Variants in TWSG1 observed in about 807,000 individuals in gnomAD.
The protein encoded by TWSG1 is twisted gastrulation protein homolog 1.
TWSG1 carries 15 observed loss-of-function variants against 23.0 expected under a neutral mutation model. The observed-to-expected ratio is 0.65, with a 90% CI of 0.44 to 1.00. The LOEUF (loss-of-function observed/expected upper bound fraction) is 1.00, where lower values mean the gene tolerates loss of function less well. Among genes scored for constraint, TWSG1 ranks in the 50% least tolerant of loss-of-function variants. TWSG1 has a pLI of 0.00. For synonymous variants in TWSG1, 86 were observed against 92.8 expected (o/e 0.93, Z 0.42); for missense variants, 242 against 278.7 (o/e 0.87, Z 0.94).
In TWSG1 at chr18:9,399,831, A is replaced by ATG; in HGVS notation, c.*304_*305insTG. ...TCTGAGGTTTTTAACATGAAGTCTGACGTGGTTTTCCTCTAGCATTCCAAA... is the reference window on the plus strand; with the variant it reads ...TCTGAGGTTTTTAACATGAAGTCTGATGCGTGGTTTTCCTCTAGCATTCCAAA... On this transcript the variant is annotated 3_prime_UTR_variant, in exon 5 of 5. Transcript: ENST00000262120. 1 of 219,126 alleles carries ATG rather than the reference A, an allele frequency of 4.6e-6. No homozygotes were observed. Among genetic ancestry groups the ATG allele is most frequent in the East Asian group, 1.0e-4 (1 of 9,740 alleles). The allele number at this position is 219,126 out of a possible 1,614,324, so 13.6% of individuals were successfully genotyped here. A position where few individuals can be genotyped will look rare whatever the true frequency, so the allele number is the denominator to read the frequency against.
intron 3 of TWSG1, among the ~76,000 whole-genome samples, chr18:9,396,050 C>T (rs993248434): frequency 2.7e-5 from 4 of 149,690 alleles, no homozygotes; most frequent in African/African-American, 9.9e-5. Flanking sequence ...CTCCAAGGAG[C>T]TCTGGTTCCT....
rs1040180382 is a variant in TWSG1 at position 9,401,367 on chromosome 18, C to A, written c.*1840C>A. ...AACTCTGCTGTTTTTCAGTCATTTC[C>A]TACTGTGAGTGGAGTGATGTTTGTG... is the stretch of plus-strand genomic sequence containing the variant. On this transcript the variant is annotated 3_prime_UTR_variant, in exon 5 of 5. Transcript: ENST00000262120. 1.3e-5 allele frequency: 2 copies of A among 151,968 alleles called. No homozygotes were observed. The highest frequency in any genetic ancestry group is 2.9e-5 in the Non-Finnish European group (2 of 68,016). The allele number at this position is 151,968 out of a possible 1,614,324, so 9.4% of individuals were successfully genotyped here.
chr18:9,365,821 G>A (rs1020236316), intron 3 of TWSG1, among the ~76,000 whole-genome samples: 1 of 151,932 alleles, frequency 6.6e-6, no homozygotes, highest in African/African-American at 2.4e-5. Context: ...GGCGACACAG[G>A]GAGACTCTGT....
intron 2 of TWSG1, among the ~76,000 whole-genome samples, chr18:9,352,700 A>G (rs1238895791): frequency 3.9e-5 from 6 of 152,228 alleles, no homozygotes; most frequent in Non-Finnish European, 7.3e-5. Context: ...CAAATCTCTC[A>G]GATCTTTGCA....
intron 3 of TWSG1, among the ~76,000 whole-genome samples, chr18:9,376,827 G>A (rs2040632376): frequency 1.7e-5 from 2 of 120,856 alleles, no homozygotes; most frequent in African/African-American, 3.2e-5. Flanking sequence ...GCAAAACCCT[G>A]TCTCCAAAAA....
chr18:9,394,132 C>T (rs1314706215), intron 3 of TWSG1, among the ~76,000 whole-genome samples: 1 of 152,098 alleles, frequency 6.6e-6, no homozygotes, highest in Non-Finnish European at 1.5e-5. Flanking sequence ...TTCACAATTG[C>T]CAAAATGTGG....
intron 3 of TWSG1, among the ~76,000 whole-genome samples, chr18:9,367,266 C>T (rs1051538121): frequency 1.3e-4 from 20 of 152,250 alleles, no homozygotes; most frequent in African/African-American, 4.8e-4. Context: ...TTGTTATTAG[C>T]TATAGTCACC....
intron 2 of TWSG1, among the ~76,000 whole-genome samples, chr18:9,359,668 C>G (rs919802652): frequency 6.6e-6 from 1 of 152,050 alleles, no homozygotes; most frequent in African/African-American, 2.4e-5. Context: ...AGGTTTTGTT[C>G]TTGTACTGAA....
chr18:9,345,982 T>G (rs538450532), intron 2 of TWSG1, among the ~76,000 whole-genome samples: 2 of 152,220 alleles, frequency 1.3e-5, no homozygotes, highest in Non-Finnish European at 2.9e-5. Flanking sequence ...AATATTGATA[T>G]GCTATTATTA....
chr18:9,374,942 C>A, intron 3 of TWSG1, among the ~76,000 whole-genome samples: 1 of 152,044 alleles, frequency 6.6e-6, no homozygotes, highest in Non-Finnish European at 1.5e-5. Context: ...CCAAGGCGGC[C>A]AGATCACGAG....
chr18:9,348,272 G>A (rs1456118684), intron 2 of TWSG1, among the ~76,000 whole-genome samples: 2 of 152,106 alleles, frequency 1.3e-5, no homozygotes, highest in Non-Finnish European at 2.9e-5. Context: ...TGTCTTTTTG[G>A]TCTATTGTGG....
At chr18:9,348,072 A>T (rs554658634) in intron 2 of TWSG1, among the ~76,000 whole-genome samples, 1 of 152,330 alleles carries the variant, frequency 6.6e-6, no homozygotes, top group African/African-American at 2.4e-5. Context: ...ATGTATTTAG[A>T]TAGGACTTAC....
At chr18:9,379,767 A>C (rs1417882565) in intron 3 of TWSG1, among the ~76,000 whole-genome samples, 1 of 152,258 alleles carries the variant, frequency 6.6e-6, no homozygotes, top group Non-Finnish European at 1.5e-5. Flanking sequence ...ATCCTTTTGT[A>C]GAATAAAGAG....
intron 2 of TWSG1, among the ~76,000 whole-genome samples, chr18:9,352,257 G>A (rs2040505531): frequency 6.6e-6 from 1 of 152,004 alleles, no homozygotes; most frequent in Admixed American, 6.6e-5. Context: ...TGTGTGTGTT[G>A]GGTAGTTCTT....
At chr18:9,365,114 A>C (rs557959705) in intron 3 of TWSG1, among the ~76,000 whole-genome samples, 7 of 152,254 alleles carry the variant, frequency 4.6e-5, no homozygotes, top group Middle Eastern at 3.4e-3. Flanking sequence ...TGAGCCCAGG[A>C]GTTCAAGACC....
At position 9,373,648 on chromosome 18, in the gene TWSG1, A is replaced by G. The variant is rs1203511193; in HGVS notation, c.223+13577A>G. 2.6e-5 allele frequency among the ~76,000 whole-genome samples: 4 copies of G among 152,230 alleles called. No individual in the cohort carries two copies. In the East Asian group the frequency reaches 7.7e-4, roughly 29 times the overall value. ...ACCCCCCTCAACCCAGGAGGCAGAG[A>G]ATCAATAGGGACATGTTTGAACTCA... On this transcript the variant is annotated intron_variant, in intron 3 of 4. Transcript: ENST00000262120.
chr18:9,337,334 G>T lies in TWSG1; in HGVS notation c.105G>T (p.Val35=). 6.2e-7 allele frequency: 1 copy of T among 1,613,414 alleles called. No individual in the cohort carries two copies. The highest frequency in any genetic ancestry group is 1.1e-5 in the South Asian group (1 of 91,054). The stretch of plus-strand genomic sequence containing the variant: ...ACAAAGCACTCTGTGCTAGTGATGT[G>T]AGCAAATGCCTCATTCAGGTAGGAC... ...SCNKALCASD[V]SKCLIQELCQ... The change falls in exon 2 of 5, where the codon GTG becomes GTT. Residue 35 remains valine (V), a synonymous_variant. Coordinates refer to ENST00000262120, the MANE Select transcript of TWSG1 (RefSeq NM_020648.6).
intron 3 of TWSG1, among the ~76,000 whole-genome samples, chr18:9,380,259 A>G (rs1345108804): frequency 6.6e-6 from 1 of 151,942 alleles, no homozygotes; most frequent in Non-Finnish European, 1.5e-5. Context: ...TGAGAGTGTT[A>G]TTTTCCCTCA....
chr18:9,400,540 C>T lies in TWSG1; in HGVS notation c.*1013C>T, dbSNP rs1027751640. 2 of 152,108 alleles carry T rather than the reference C, an allele frequency of 1.3e-5. No homozygotes were observed. Among genetic ancestry groups the T allele is most frequent in the South Asian group, 4.1e-4 (2 of 4,830 alleles). 9.4% of individuals were successfully genotyped at this position (152,108 alleles called of 1,614,324 possible). A position where few individuals can be genotyped will look rare whatever the true frequency, so the allele number is the denominator to read the frequency against. On this transcript the variant is annotated 3_prime_UTR_variant, in exon 5 of 5. Transcript: ENST00000262120. ...CAGGAATTGAAGAAGAGAATTGACT[C>T]GTATGAACAGGACAGGGTGAAAATG...
Sources: allele counts gnomAD v4.1 joint callset (sites outside exome capture counted in the v4.1 genomes callset), GRCh38; gene constraint gnomAD v4.1.1; transcripts MANE v1.5; gene names NCBI Gene and HGNC (gene_info 2026-07-23, HGNC 2026-07-21).